The following ESRRG variants were observed in gnomAD, a reference collection of about 807,000 sequenced individuals.
The protein encoded by ESRRG is estrogen-related receptor gamma.
In ESRRG, 13 loss-of-function variants were observed where a neutral mutation model predicts 44.0. The observed-to-expected ratio is 0.30, with a 90% CI of 0.19 to 0.47. The LOEUF is 0.47. Ranked by LOEUF, ESRRG falls within the 20% of genes least tolerant of loss-of-function variation. The probability of loss-of-function intolerance (pLI) is 1.00; values close to 1 mark genes in which losing one functional copy is unlikely to be tolerated. For missense variants in ESRRG, 395 were observed against 580.6 expected, an observed-to-expected ratio of 0.68 and a Z score of 3.29; for synonymous variants, 215 against 214.6, an observed-to-expected ratio of 1.00 and a Z score of -0.02.
At chr1:217,024,185 C>T (rs1407843144) in intron 1 of ESRRG, among the ~76,000 whole-genome samples, 6 of 151,996 alleles carry the variant, frequency 3.9e-5, no homozygotes, top group East Asian at 3.9e-4. Context: ...GGTGAAACCC[C>T]GTCTCTACTA....
chr1:216,592,485 G>C (rs920209545), intron 3 of ESRRG, among the ~76,000 whole-genome samples: 1 of 151,826 alleles, frequency 6.6e-6, no homozygotes, highest in Non-Finnish European at 1.5e-5. Context: ...ACAATTTCAA[G>C]ATGGTGCTGT....
intron 1 of ESRRG, among the ~76,000 whole-genome samples, chr1:217,014,935 G>A (rs756535057): frequency 5.3e-5 from 8 of 152,042 alleles, no homozygotes; most frequent in Admixed American, 6.6e-5. Flanking sequence ...TCATTCCACA[G>A]CGATTCATTA....
At chr1:216,670,716 G>A (rs186524749) in intron 2 of ESRRG, among the ~76,000 whole-genome samples, 12 of 152,252 alleles carry the variant, frequency 7.9e-5, no homozygotes, top group African/African-American at 2.4e-4. Flanking sequence ...AGACCTGGGC[G>A]TGGTCAAGGA....
At chr1:216,774,080 G>T (rs1337251238) in intron 2 of ESRRG, among the ~76,000 whole-genome samples, 1 of 152,036 alleles carries the variant, frequency 6.6e-6, no homozygotes, top group Non-Finnish European at 1.5e-5. Context: ...AGCCATAGAG[G>T]CCACATAGCT....
intron 2 of ESRRG, among the ~76,000 whole-genome samples, chr1:216,801,522 G>T (rs555994547): frequency 2.0e-5 from 3 of 152,214 alleles, no homozygotes; most frequent in African/African-American, 7.2e-5. Context: ...AGATCATCCA[G>T]TATTTACAAT....
intron 2 of ESRRG, among the ~76,000 whole-genome samples, chr1:216,835,540 G>A (rs1234211695): frequency 2.0e-5 from 3 of 152,140 alleles, no homozygotes; most frequent in African/African-American, 4.8e-5. Context: ...GTTGCAGTTC[G>A]TCCTCAAGGA....
At chr1:216,782,949 T>G (rs916324836) in intron 2 of ESRRG, among the ~76,000 whole-genome samples, 1 of 152,046 alleles carries the variant, frequency 6.6e-6, no homozygotes, top group African/African-American at 2.4e-5. Context: ...ACTGTTCTCC[T>G]TCTCTTAAAA....
chr1:217,050,403 C>T (rs1398085534), intron 1 of ESRRG, among the ~76,000 whole-genome samples: 1 of 152,148 alleles, frequency 6.6e-6, no homozygotes, highest in Non-Finnish European at 1.5e-5. Flanking sequence ...GCAGCTTTAT[C>T]ATCTGAGGTC....
At position 217,107,250 on chromosome 1, in the gene ESRRG, G is replaced by A. The variant is rs182974159; in HGVS notation, c.-230+30417C>T. Among the ~76,000 whole-genome samples the A allele has an allele frequency of 6.6e-4, 100 of 152,292 alleles. 1 individual carries two copies. In the South Asian group the frequency reaches 7.5e-3, roughly 11 times the overall value. On this transcript the variant is annotated intron_variant, in intron 1 of 8. Transcript: ENST00000366940. ...CGTCAAATCTCCTGTTCCTTCGGAC[G>A]CTTGGATAAGATTCCCTTTCTAATG...
chr1:217,117,151 A>G (rs1382755943), intron 1 of ESRRG, among the ~76,000 whole-genome samples: 1 of 152,232 alleles, frequency 6.6e-6, no homozygotes, highest in African/African-American at 2.4e-5. Context: ...TGAATTGCAT[A>G]CTAAACAACT....
chr1:216,580,949 C>T (rs1321972814), intron 3 of ESRRG, among the ~76,000 whole-genome samples: 3 of 152,122 alleles, frequency 2.0e-5, no homozygotes, highest in African/African-American at 7.2e-5. Context: ...AAATAAAGTG[C>T]CCATGTTTGA....
intron 1 of ESRRG, among the ~76,000 whole-genome samples, chr1:217,052,066 C>T (rs2086156569): frequency 6.6e-6 from 1 of 152,182 alleles, no homozygotes; most frequent in South Asian, 2.1e-4. Context: ...CCACTACACT[C>T]AGCCTATTTC....
intron 2 of ESRRG, among the ~76,000 whole-genome samples, chr1:216,849,626 G>C (rs578058232): frequency 2.6e-4 from 40 of 152,110 alleles, no homozygotes; most frequent in Non-Finnish European, 4.9e-4. Context: ...TTTCAGCATT[G>C]GCTACTGGGA....
chr1:217,014,049 C>A (rs2150827455), intron 1 of ESRRG, among the ~76,000 whole-genome samples: 1 of 152,158 alleles, frequency 6.6e-6, no homozygotes, highest in South Asian at 2.1e-4. Context: ...TGACTTCCTG[C>A]ATCTGCTTGG....
chr1:216,695,680 T>C (rs546276328), intron 1 of ESRRG, among the ~76,000 whole-genome samples: 1 of 152,140 alleles, frequency 6.6e-6, no homozygotes, highest in Non-Finnish European at 1.5e-5. Flanking sequence ...AATAAACACA[T>C]CATCTCTGTT....
At chr1:216,903,095 G>A (rs2059274686) in intron 2 of ESRRG, among the ~76,000 whole-genome samples, 1 of 152,134 alleles carries the variant, frequency 6.6e-6, no homozygotes, top group South Asian at 2.1e-4. Flanking sequence ...GTGTGTATGT[G>A]TATACATGTT....
intron 1 of ESRRG, among the ~76,000 whole-genome samples, chr1:217,043,829 A>C (rs1332257895): frequency 2.6e-5 from 4 of 152,192 alleles, no homozygotes; most frequent in Admixed American, 6.5e-5. Context: ...ATTACAGAAA[A>C]TATAGATAAT....
At chr1:216,696,400 T>C (rs1251591072) in intron 1 of ESRRG, among the ~76,000 whole-genome samples, 1 of 152,206 alleles carries the variant, frequency 6.6e-6, no homozygotes, top group Non-Finnish European at 1.5e-5. Flanking sequence ...TATTCTTTAA[T>C]TTTCTTAAAC....
At chr1:216,525,548 C>G (rs190684155) in intron 5 of ESRRG, among the ~76,000 whole-genome samples, 1 of 152,144 alleles carries the variant, frequency 6.6e-6, no homozygotes, top group Non-Finnish European at 1.5e-5. Context: ...TAATGGCTTT[C>G]TTTTCCTACA....
Sources: allele counts gnomAD v4.1 joint callset (sites outside exome capture counted in the v4.1 genomes callset), GRCh38; gene constraint gnomAD v4.1.1; transcripts MANE v1.5; gene names NCBI Gene and HGNC (gene_info 2026-07-23, HGNC 2026-07-21).